The following ZNF445 variants were observed in gnomAD, a reference collection of about 807,000 sequenced individuals.
ZNF445 encodes the protein zinc finger protein 445.
A neutral mutation model predicts 93.9 loss-of-function variants in ZNF445; 19 were observed. That is an observed-to-expected ratio of 0.20 (90% CI 0.14 to 0.30). ZNF445 has a LOEUF of 0.30. ZNF445 is among the 10% of genes least tolerant of loss of function. The probability of loss-of-function intolerance (pLI) is 1.00; values close to 1 mark genes in which losing one functional copy is unlikely to be tolerated. For synonymous variants in ZNF445, 449 were observed against 446.3 expected (o/e 1.01, Z -0.08); for missense variants, 1,058 against 1,259.4 (o/e 0.84, Z 2.42).
At chr3:44,470,934 A>C (rs550854154) in intron 1 of ZNF445, among the ~76,000 whole-genome samples, 77 of 152,338 alleles carry the variant, frequency 5.1e-4, no homozygotes, top group Admixed American at 1.4e-3. Flanking sequence ...AAGGAGAAAA[A>C]AAAACAGGCA....
chr3:44,463,175 T>G (rs1485625038), intron 1 of ZNF445, among the ~76,000 whole-genome samples: 1 of 152,070 alleles, frequency 6.6e-6, no homozygotes, highest in East Asian at 1.9e-4. Context: ...TAGCTGGAAT[T>G]ACAGGCATCT....
rs1021175976 is a variant in ZNF445 at position 44,448,660 on chromosome 3, T to C, written c.1011A>G (p.Ser337=). 1.2e-6 allele frequency: 2 copies of C among 1,614,232 alleles called. No homozygotes were observed. Among genetic ancestry groups the C allele is most frequent in the Non-Finnish European group, 1.7e-6 (2 of 1,180,036 alleles). The change falls in exon 8 of 8, where the codon TCA becomes TCG. Residue 337 remains serine (S), a synonymous_variant. Coordinates refer to ENST00000396077, the MANE Select transcript of ZNF445 (RefSeq NM_181489.6). ...PLEEAETLAV[S]SGCPATSVSE... ...AAACACTTGTCGCAGGACATCCTGATGACACAGCTAAGGTTTCTGCTTCTT... is the reference window on the plus strand; with the variant it reads ...AAACACTTGTCGCAGGACATCCTGACGACACAGCTAAGGTTTCTGCTTCTT...
intron 3 of ZNF445, among the ~76,000 whole-genome samples, chr3:44,453,809 G>A (rs930462706): frequency 3.3e-5 from 5 of 152,090 alleles, no homozygotes; most frequent in African/African-American, 7.2e-5. Context: ...AATATTTACC[G>A]AACAAATTCT....
At position 44,446,464 on chromosome 3, in the gene ZNF445, A is replaced by C. The variant is rs1697878757; in HGVS notation, c.*111T>G. The C allele has an allele frequency of 2.0e-6, 3 of 1,496,164 alleles. No homozygotes were observed. Among genetic ancestry groups the C allele is most frequent in the Non-Finnish European group, 2.7e-6 (3 of 1,113,232 alleles). 92.7% of individuals were successfully genotyped at this position (1,496,164 alleles called of 1,614,324 possible). On this transcript the variant is annotated 3_prime_UTR_variant, in exon 8 of 8. Coordinates refer to ENST00000396077, the MANE Select transcript of ZNF445 (RefSeq NM_181489.6). The surrounding 1 kb of genome is among the most constrained non-coding windows in gnomAD (Gnocchi z 4.2). ...CCTTGGGATTCTGTCACTAGCTTCC[A>C]AAACAGAAAGGGCTGGGCCCTTTAT...
At chr3:44,459,364 A>G (rs1698075974) in intron 1 of ZNF445, among the ~76,000 whole-genome samples, 1 of 152,252 alleles carries the variant, frequency 6.6e-6, no homozygotes, top group African/African-American at 2.4e-5. Context: ...ACAAGATCTT[A>G]AAAGATAAAC....
At chr3:44,450,356 A>C in intron 6 of ZNF445, 91 bp downstream of exon 6, 1 of 1,558,782 alleles carries the variant, frequency 6.4e-7, no homozygotes, top group Admixed American at 1.7e-5. Context: ...CAGGATCTAA[A>C]ACCAGGTCAG....
chr3:44,449,262 G>T (rs1244520496), intron 7 of ZNF445, among the ~76,000 whole-genome samples: 2 of 152,152 alleles, frequency 1.3e-5, no homozygotes, highest in Non-Finnish European at 2.9e-5. Context: ...AAGCCCTCCA[G>T]CAGGCAAGAA....
chr3:44,446,888 G>A lies in ZNF445; in HGVS notation c.2783C>T (p.Pro928Leu), dbSNP rs751553152. The A allele has an allele frequency of 9.9e-6, 16 of 1,614,130 alleles. No individual in the cohort carries two copies. Among genetic ancestry groups the A allele is most frequent in the Admixed American group, 5.0e-5 (3 of 60,020 alleles). ...GTCCTGAGAGGAAGACCGTGCAGGC[G>A]GGCTACGTTCAGCCTGTGCTGCTCT... Reference protein sequence around the residue: ...HTRAAQAERSPPARSSSQDTK... With the variant: ...HTRAAQAERSLPARSSSQDTK... Residue 928 changes from proline to leucine, a missense_variant, in exon 8 of 8, where the codon CCG (proline) becomes CTG (leucine). By Grantham distance (98) the Pro-to-Leu change is moderately conservative. Transcript: ENST00000396077. The surrounding 1 kb of genome is among the most constrained non-coding windows in gnomAD (Gnocchi z 4.2).
chr3:44,450,987 A>G, intron 4 of ZNF445, 25 bp from the exon 5 acceptor site: 4 of 1,539,274 alleles, frequency 2.6e-6, no homozygotes, highest in Middle Eastern at 1.7e-4. Context: ...GCCATGAGAG[A>G]GCGGCTCAGC....
chr3:44,464,923 T>C (rs1698169858), intron 1 of ZNF445, among the ~76,000 whole-genome samples: 1 of 151,872 alleles, frequency 6.6e-6, no homozygotes, highest in Non-Finnish European at 1.5e-5. Context: ...AAAAATTAGC[T>C]GAGCATGGTG....
intron 1 of ZNF445, among the ~76,000 whole-genome samples, chr3:44,473,893 CAG>C (rs1440496209): frequency 1.3e-5 from 2 of 152,116 alleles, no homozygotes; most frequent in African/African-American, 2.4e-5. Context: ...AAATAAATAA[CAG>C]GGGAGAAGGG....
intron 1 of ZNF445, among the ~76,000 whole-genome samples, chr3:44,472,037 A>C (rs1206330752): frequency 6.6e-6 from 1 of 152,180 alleles, no homozygotes; most frequent in Non-Finnish European, 1.5e-5. Flanking sequence ...GAAAGCTGAA[A>C]AACAGAAAAA....
intron 1 of ZNF445, among the ~76,000 whole-genome samples, chr3:44,472,060 T>C (rs888078583): frequency 6.6e-6 from 1 of 151,944 alleles, no homozygotes; most frequent in Non-Finnish European, 1.5e-5. Flanking sequence ...AGAGAGACTT[T>C]CATGGCCAAA....
chr3:44,469,197 G>T (rs1456370350), intron 1 of ZNF445, among the ~76,000 whole-genome samples: 2 of 152,184 alleles, frequency 1.3e-5, no homozygotes, highest in Non-Finnish European at 2.9e-5. Context: ...ACCCAAGGAA[G>T]AGACAGTGTA....
At chr3:44,459,716 A>G (rs897205268) in intron 1 of ZNF445, among the ~76,000 whole-genome samples, 3 of 152,240 alleles carry the variant, frequency 2.0e-5, no homozygotes, top group Non-Finnish European at 4.4e-5. Flanking sequence ...GCATACATAT[A>G]TATTTGGTCT....
intron 6 of ZNF445, 30 bp downstream of exon 6, chr3:44,450,417 G>T: frequency 6.2e-7 from 1 of 1,613,912 alleles, no homozygotes; most frequent in Non-Finnish European, 8.5e-7. Context: ...AATAAAGATG[G>T]ATAGAAGCAT....
chr3:44,462,673 G>T (rs1046534927), intron 1 of ZNF445, among the ~76,000 whole-genome samples: 3 of 145,344 alleles, frequency 2.1e-5, no homozygotes, highest in Non-Finnish European at 3.0e-5. Flanking sequence ...TCTAAATCTT[G>T]AAAAAAAAAG....
Position 44,455,198 on chromosome 3 carries a change from G to A in ZNF445, c.352C>T (p.His118Tyr). 6.2e-7 allele frequency: 1 copy of A among 1,614,184 alleles called. No individual in the cohort carries two copies. Among genetic ancestry groups the A allele is most frequent in the Non-Finnish European group, 8.5e-7 (1 of 1,180,032 alleles). Residue 118 changes from histidine to tyrosine, a missense_variant, in exon 3 of 8, where the codon CAT becomes TAT. His to Tyr is a moderately conservative substitution (Grantham distance 83). Around this residue, in one of 3 missense-constraint regions of ZNF445, gnomAD observed 657 missense variants for 746.4 expected, o/e 0.88. Transcript: ENST00000396077. ...PGELRVWVQL[H>Y]NPESGEEAVA... ...GCCTCCTCGCCACTCTCAGGGTTAT[G>A]AAGCTGCACCCAAACCCGGAGCTCC...
chr3:44,450,437 G>A lies in ZNF445; in HGVS notation c.820+10C>T, dbSNP rs767083170. On this transcript the variant is annotated intron_variant, in intron 6 of 7. Transcript: ENST00000396077. ...AGATGGATAGAAGCATGAGGATATC[G>A]ATTACTTACCCAGGGAAGCCATGTT... The A allele has an allele frequency of 1.9e-6, 3 of 1,614,042 alleles. No homozygotes were observed. Among genetic ancestry groups the A allele is most frequent in the East Asian group, 2.2e-5 (1 of 44,886 alleles).
Sources: allele counts gnomAD v4.1 joint callset (sites outside exome capture counted in the v4.1 genomes callset), GRCh38; gene constraint gnomAD v4.1.1; regional missense constraint gnomAD v4.1.1; non-coding constraint Gnocchi (gnomAD v3.1); transcripts MANE v1.5; gene names NCBI Gene and HGNC (gene_info 2026-07-23, HGNC 2026-07-21).